CNTNAP2: variants seen among roughly 807,000 people sequenced by gnomAD.
CNTNAP2 encodes contactin associated protein 2.
A neutral mutation model predicts 155.2 loss-of-function variants in CNTNAP2; 98 were observed. The ratio of observed to expected loss-of-function variants is 0.63; its 90% CI spans 0.54 to 0.75. CNTNAP2 has a LOEUF of 0.75. Among genes scored for constraint, CNTNAP2 ranks in the 30% least tolerant of loss-of-function variants. The pLI is 0.00. For missense variants in CNTNAP2, 1,727 were observed against 1,688.1 expected, an observed-to-expected ratio of 1.02 and a Z score of -0.40; for synonymous variants, 651 against 631.2, an observed-to-expected ratio of 1.03 and a Z score of -0.47.
chr7:146,237,546 G>A (rs1196344043), intron 1 of CNTNAP2, among the ~76,000 whole-genome samples: 1 of 152,170 alleles, frequency 6.6e-6, no homozygotes, highest in Non-Finnish European at 1.5e-5. Context: ...GAGAGAAAAG[G>A]AGTAATTATT....
At chr7:146,622,983 G>GA (rs35834750) in intron 1 of CNTNAP2, among the ~76,000 whole-genome samples, 1,846 of 140,648 alleles carry the variant, frequency 0.013, 42 homozygotes, top group African/African-American at 0.045. Context: ...AAAGAAAAAA[G>GA]AAAAAAAAAA....
At chr7:146,340,003 A>G (rs960974292) in intron 1 of CNTNAP2, among the ~76,000 whole-genome samples, 2 of 151,892 alleles carry the variant, frequency 1.3e-5, no homozygotes, top group African/African-American at 4.8e-5. Flanking sequence ...CCCCGTCTCT[A>G]CTAGAAATAC....
chr7:147,922,872 A>G (rs1800308852), intron 14 of CNTNAP2, among the ~76,000 whole-genome samples: 1 of 152,226 alleles, frequency 6.6e-6, no homozygotes, highest in Non-Finnish European at 1.5e-5. Context: ...TTCAAGCTCA[A>G]TATTAGATGC....
At chr7:147,430,563 T>C (rs1338757570) in intron 10 of CNTNAP2, among the ~76,000 whole-genome samples, 1 of 152,160 alleles carries the variant, frequency 6.6e-6, no homozygotes, top group Non-Finnish European at 1.5e-5. Flanking sequence ...CAGCAAGTGT[T>C]TATCAACTGT....
chr7:147,562,291 C>G, intron 12 of CNTNAP2, 34 bp downstream of exon 12: 1 of 1,612,344 alleles, frequency 6.2e-7, no homozygotes, highest in Non-Finnish European at 8.5e-7. Context: ...TATGAAGATG[C>G]TTTTCTATAT....
At chr7:147,006,807 T>C (rs138718002) in intron 3 of CNTNAP2, among the ~76,000 whole-genome samples, 22 of 151,976 alleles carry the variant, frequency 1.4e-4, no homozygotes, top group Middle Eastern at 3.4e-3. Flanking sequence ...TACTGGGGAG[T>C]ATGGGGTCCT....
At chr7:146,612,184 A>C (rs1333419437) in intron 1 of CNTNAP2, among the ~76,000 whole-genome samples, 1 of 152,000 alleles carries the variant, frequency 6.6e-6, no homozygotes, top group African/African-American at 2.4e-5. Context: ...TAGATACGAC[A>C]AACATTTAAT....
At chr7:148,283,701 C>T (rs1797030357) in intron 21 of CNTNAP2, among the ~76,000 whole-genome samples, 1 of 151,994 alleles carries the variant, frequency 6.6e-6, no homozygotes, top group South Asian at 2.1e-4. Flanking sequence ...TAAAATGGCC[C>T]CTAAGTGGAG....
At chr7:147,524,510 A>G (rs1799284612) in intron 11 of CNTNAP2, among the ~76,000 whole-genome samples, 1 of 152,238 alleles carries the variant, frequency 6.6e-6, no homozygotes, top group Non-Finnish European at 1.5e-5. Context: ...TAAGCCAAAG[A>G]GACACAACTC....
At chr7:146,822,268 C>T (rs1045555090) in intron 2 of CNTNAP2, among the ~76,000 whole-genome samples, 1 of 151,870 alleles carries the variant, frequency 6.6e-6, no homozygotes, top group East Asian at 1.9e-4. Flanking sequence ...GGGAATTGAA[C>T]AATGAGATCA....
rs1800225424 is a variant in CNTNAP2, at chr7:147,919,491, C to A, written c.2255+15770C>A. Among the ~76,000 whole-genome samples, 2 of 21,748 alleles carry A rather than the reference C, an allele frequency of 9.2e-5. 1 individual carries two copies. Among genetic ancestry groups the A allele is most frequent in the African/African-American group, 4.0e-4 (2 of 5,038 alleles). The allele number at this position is 21,748 out of a possible 152,430, so 14.3% of individuals were successfully genotyped here. A position where few individuals can be genotyped will look rare whatever the true frequency, so the allele number is the denominator to read the frequency against. ...TTTTTTTTTTTGAGACAGAGTCTTGCTCTGTCTCCCAGGCTGGAGTGCAGT... is the reference window on the plus strand; with the variant it reads ...TTTTTTTTTTTGAGACAGAGTCTTGATCTGTCTCCCAGGCTGGAGTGCAGT... On this transcript the variant is annotated intron_variant, in intron 14 of 23. Coordinates refer to ENST00000361727, the MANE Select transcript of CNTNAP2 (RefSeq NM_014141.6).
At chr7:147,857,279 C>T (rs1276627338) in intron 13 of CNTNAP2, among the ~76,000 whole-genome samples, 2 of 152,184 alleles carry the variant, frequency 1.3e-5, no homozygotes, top group South Asian at 2.1e-4. Flanking sequence ...CATTTGTCTC[C>T]GTGCAAGATG....
chr7:147,928,708 A>G (rs1800441986), intron 14 of CNTNAP2, among the ~76,000 whole-genome samples: 1 of 152,158 alleles, frequency 6.6e-6, no homozygotes, highest in Non-Finnish European at 1.5e-5. Context: ...GAACTGCTCT[A>G]CCTGACTATG....
intron 8 of CNTNAP2, among the ~76,000 whole-genome samples, chr7:147,207,049 T>A (rs1345502854): frequency 6.6e-6 from 1 of 152,174 alleles, no homozygotes; most frequent in Non-Finnish European, 1.5e-5. Context: ...ACCTGCCCAC[T>A]GCAGTCCCTA....
intron 1 of CNTNAP2, among the ~76,000 whole-genome samples, chr7:146,703,117 T>C (rs978588491): frequency 6.6e-6 from 1 of 152,200 alleles, no homozygotes; most frequent in Admixed American, 6.5e-5. Flanking sequence ...GATGTATCTA[T>C]GCTTGTAAGG....
chr7:146,274,662 A>G (rs766742023), intron 1 of CNTNAP2, among the ~76,000 whole-genome samples: 6 of 152,162 alleles, frequency 3.9e-5, no homozygotes, highest in Non-Finnish European at 7.3e-5. Context: ...GAGGCAGGGT[A>G]AGCAGCAATC....
At chr7:147,390,048 T>C (rs1285779868) in intron 9 of CNTNAP2, among the ~76,000 whole-genome samples, 1 of 152,148 alleles carries the variant, frequency 6.6e-6, no homozygotes, top group Non-Finnish European at 1.5e-5. Context: ...CAAACACTAA[T>C]ACACTAGTAT....
chr7:147,458,734 T>C (rs1797965253), intron 10 of CNTNAP2, among the ~76,000 whole-genome samples: 1 of 152,248 alleles, frequency 6.6e-6, no homozygotes, highest in African/African-American at 2.4e-5. Context: ...GAATCTCATT[T>C]ATCCCAGAAA....
chr7:147,031,567 A>AT (rs1246916323), intron 3 of CNTNAP2, among the ~76,000 whole-genome samples: 1 of 152,238 alleles, frequency 6.6e-6, no homozygotes, highest in African/African-American at 2.4e-5. Context: ...TCTTAACAAA[A>AT]TTGTTCTGAG....
Sources: allele counts gnomAD v4.1 joint callset (sites outside exome capture counted in the v4.1 genomes callset), GRCh38; gene constraint gnomAD v4.1.1; transcripts MANE v1.5; gene names NCBI Gene and HGNC (gene_info 2026-07-23, HGNC 2026-07-21).